Variants in PSMC5 observed in about 807,000 individuals in gnomAD.
PSMC5 encodes 26S proteasome regulatory subunit 8.
Under a neutral mutation model 49.1 loss-of-function variants are expected in PSMC5, and 11 were observed. That is an observed-to-expected ratio of 0.22 (90% CI 0.14 to 0.37). PSMC5 has a LOEUF of 0.37. Among genes scored for constraint, PSMC5 ranks in the 10% least tolerant of loss-of-function variants. The pLI is 1.00. For synonymous variants in PSMC5, 206 were observed against 192.2 expected (o/e 1.07, Z -0.59); for missense variants, 229 against 520.9 (o/e 0.44, Z 5.45).
In PSMC5 at chr17:63,827,479, T is replaced by C; in HGVS notation, c.-12T>C. On this transcript the variant is annotated 5_prime_UTR_variant, in exon 1 of 12. Transcript: ENST00000310144. Reference sequence around the variant, plus strand: ...CGGCTCGGATGCCGGCGGTCTCTGCTGAAGAGAGAAGATGGCGCTTGACGG... The same window carrying C: ...CGGCTCGGATGCCGGCGGTCTCTGCCGAAGAGAGAAGATGGCGCTTGACGG... 10 of 1,551,710 alleles carry C rather than the reference T, an allele frequency of 6.4e-6. No homozygotes were observed. The highest frequency in any genetic ancestry group is 3.6e-5 in the South Asian group (3 of 84,066).
Position 63,829,831 on chromosome 17 carries a change from CTG to C in PSMC5, c.167-17_167-16del. The C allele has an allele frequency of 6.2e-7, 1 of 1,612,084 alleles. No individual in the cohort carries two copies. The highest frequency in any genetic ancestry group is 1.1e-5 in the South Asian group (1 of 91,016). On this transcript the variant is annotated intron_variant, in intron 3 of 11. Transcript: ENST00000310144. ...CTCCAAAGGAGTAGCTAGGTGACCA[CTG>C]TGTCTGTTTGCCATCTAGTTCGCCT... is the stretch of plus-strand genomic sequence containing the variant.
Position 63,830,475 on chromosome 17 carries a change from G to A in PSMC5, c.526G>A (p.Glu176Lys), listed in dbSNP as rs1326856075. The A allele has an allele frequency of 6.2e-7, 1 of 1,614,018 alleles. No individual in the cohort carries two copies. Among genetic ancestry groups the A allele is most frequent in the Non-Finnish European group, 8.5e-7 (1 of 1,180,030 alleles). The change falls in exon 6 of 12, where the codon GAA (glutamate) becomes AAA (lysine). Residue 176 changes from glutamate to lysine, a missense_variant. Glu to Lys is a moderately conservative substitution (Grantham distance 56). This residue lies in a region of PSMC5 where 121 missense variants were observed against 330.6 expected (regional missense o/e 0.37). Coordinates refer to ENST00000310144, the MANE Select transcript of PSMC5 (RefSeq NM_002805.6). This position sits in a 1 kb window ranked among gnomAD's most constrained non-coding sequence, Gnocchi z 4.0. The part of the protein sequence containing the change: ...ELPVKHPELF[E>K]ALGIAQPKGV... ...GCCTGTTAAGCATCCTGAGCTCTTCGAAGCACTGGGCATTGCTCAGCCCAA... is the reference window on the plus strand; with the variant it reads ...GCCTGTTAAGCATCCTGAGCTCTTCAAAGCACTGGGCATTGCTCAGCCCAA...
rs376477122 is a variant in PSMC5 at position 63,829,428 on chromosome 17, G to A, written c.97-66G>A. Reference sequence around the variant, plus strand: ...GCTCATTCAGACCTGTGAGGTCTTGGCCAAGATCCTACCTCCTCCTGTCTC... The same window carrying A: ...GCTCATTCAGACCTGTGAGGTCTTGACCAAGATCCTACCTCCTCCTGTCTC... On this transcript the variant is annotated intron_variant, in intron 2 of 11. Transcript: ENST00000310144. 1.4e-5 allele frequency: 21 copies of A among 1,473,680 alleles called. No homozygotes were observed. In the African/African-American group the frequency reaches 2.7e-4, roughly 19 times the overall value. 91.3% of individuals were successfully genotyped at this position (1,473,680 alleles called of 1,614,324 possible).
Position 63,830,975 on chromosome 17 carries a change from T to C in PSMC5, c.679+40T>C, listed in dbSNP as rs374215597. ...CAATGTGAGAAGCAAGAGGTAGGGG[T>C]AGGGGGTTAGAGAGCTAATAAGCTA... On this transcript the variant is annotated intron_variant, in intron 7 of 11. Transcript: ENST00000310144. The surrounding 1 kb of genome is among the most constrained non-coding windows in gnomAD (Gnocchi z 4.0). The C allele has an allele frequency of 2.3e-5, 37 of 1,612,762 alleles. No homozygotes were observed. The highest frequency in any genetic ancestry group is 3.1e-5 in the Non-Finnish European group (36 of 1,179,432).
rs184918959 is a variant in PSMC5 at position 63,830,658 on chromosome 17, C to T, written c.553-151C>T. ...AGTGGCTGGGGAAGTGTTCCTAGGG[C>T]GGTGAGGTGGTTTGGATAGAAGGGA... is the stretch of plus-strand genomic sequence containing the variant. On this transcript the variant is annotated intron_variant, in intron 6 of 11. Coordinates refer to ENST00000310144, the MANE Select transcript of PSMC5 (RefSeq NM_002805.6). The surrounding 1 kb of genome is among the most constrained non-coding windows in gnomAD (Gnocchi z 4.0). The T allele has an allele frequency of 4.9e-5, 70 of 1,441,228 alleles. No homozygotes were observed. Among genetic ancestry groups the T allele is most frequent in the East Asian group, 4.7e-4 (19 of 40,212 alleles). 89.3% of individuals were successfully genotyped at this position (1,441,228 alleles called of 1,614,324 possible).
chr17:63,829,829 C>G (rs920237476), intron 3 of PSMC5, 23 bp from the exon 4 acceptor site: 1 of 1,610,948 alleles, frequency 6.2e-7, no homozygotes, highest in African/African-American at 1.3e-5. Context: ...GCTAGGTGAC[C>G]ACTGTGTCTG....
chr17:63,831,041 A>G lies in PSMC5; in HGVS notation c.685A>G (p.Arg229Gly), dbSNP rs1200029702. ...LVQKFIGEGARMVRELFVMAR... is the reference protein window; with the variant it reads ...LVQKFIGEGAGMVRELFVMAR... ...CCAGCTCGGCCTCCACACAGGGGCA[A>G]GAATGGTGAGGGAGCTGTTTGTCAT... is the stretch of plus-strand genomic sequence containing the variant. The change falls in exon 8 of 12, where the codon AGA becomes GGA. Residue 229 changes from arginine (R) to glycine (G), a missense_variant. By Grantham distance (125) the Arg-to-Gly change is moderately radical (BLOSUM62 -2). This residue lies in a region of PSMC5 where 121 missense variants were observed against 330.6 expected (regional missense o/e 0.37). Coordinates refer to ENST00000310144, the MANE Select transcript of PSMC5 (RefSeq NM_002805.6). The surrounding 1 kb of genome is among the most constrained non-coding windows in gnomAD (Gnocchi z 6.3). 1 of 1,576,584 alleles carries G rather than the reference A, an allele frequency of 6.3e-7. No homozygotes were observed. Among genetic ancestry groups the G allele is most frequent in the African/African-American group, 1.4e-5 (1 of 74,058 alleles).
At chr17:63,827,900 C>G in intron 1 of PSMC5, 1 of 1,410,508 alleles carries the variant, frequency 7.1e-7, no homozygotes, top group South Asian at 1.5e-5. Flanking sequence ...TATCGCCTCT[C>G]GGTCCTCCTA....
At position 63,830,947 on chromosome 17, in the gene PSMC5, T is replaced by C. The variant is rs762577147; in HGVS notation, c.679+12T>C. 4 of 1,613,932 alleles carry C rather than the reference T, an allele frequency of 2.5e-6. No homozygotes were observed. In the Middle Eastern group the frequency reaches 6.6e-4, roughly 266 times the overall value. The stretch of plus-strand genomic sequence containing the variant: ...ATTCATAGGGGAAGGTAACCATGGC[T>C]AGCAATGTGAGAAGCAAGAGGTAGG... On this transcript the variant is annotated intron_variant, in intron 7 of 11. Coordinates refer to ENST00000310144, the MANE Select transcript of PSMC5 (RefSeq NM_002805.6). This position sits in a 1 kb window ranked among gnomAD's most constrained non-coding sequence, Gnocchi z 4.0.
intron 3 of PSMC5, 47 bp from the exon 4 acceptor site, chr17:63,829,805 A>C (rs771401715): frequency 6.3e-7 from 1 of 1,586,488 alleles, no homozygotes; most frequent in Non-Finnish European, 8.7e-7. Context: ...GGTCCTGGAG[A>C]CTCCAAAGGA....
chr17:63,830,265 AC>A lies in PSMC5; in HGVS notation c.322-3del, dbSNP rs2040166854. On this transcript the variant is annotated splice_region_variant and splice_polypyrimidine_tract_variant and intron_variant, in intron 5 of 11. Transcript: ENST00000310144. This position sits in a 1 kb window ranked among gnomAD's most constrained non-coding sequence, Gnocchi z 4.0. The stretch of plus-strand genomic sequence containing the variant: ...ACCACTTCTGAAACTCGCCCCCTTC[AC>A]CCAGGTGACACCCAATTGCCGGGTG... 1 of 1,614,066 alleles carries A rather than the reference AC, an allele frequency of 6.2e-7. No individual in the cohort carries two copies. Among genetic ancestry groups the A allele is most frequent in the Non-Finnish European group, 8.5e-7 (1 of 1,180,014 alleles).
chr17:63,829,684 T>C, intron 3 of PSMC5, 121 bp downstream of exon 3: 1 of 1,215,846 alleles, frequency 8.2e-7, no homozygotes, highest in Non-Finnish European at 1.2e-6. Context: ...TCTAGTAGTT[T>C]CACATGCATC....
At chr17:63,828,311 C>G (rs1251304062) in intron 2 of PSMC5, 102 bp downstream of exon 2, 2 of 1,142,856 alleles carry the variant, frequency 1.7e-6, no homozygotes, top group East Asian at 4.9e-5. Context: ...GTGGAAGAAG[C>G]TGCTGCTTCT....
Position 63,830,056 on chromosome 17 carries a change from G to T in PSMC5, c.265-77G>T. On this transcript the variant is annotated intron_variant, in intron 4 of 11. Transcript: ENST00000310144. The surrounding 1 kb of genome is among the most constrained non-coding windows in gnomAD (Gnocchi z 4.0). Reference sequence around the variant, plus strand: ...TCTGTGTTCTGTCAAGGTATTGTGGGATTCTCATAGGTCTTCCTGGGTAGG... The same window carrying T: ...TCTGTGTTCTGTCAAGGTATTGTGGTATTCTCATAGGTCTTCCTGGGTAGG... 1 of 1,577,174 alleles carries T rather than the reference G, an allele frequency of 6.3e-7. No homozygotes were observed. Among genetic ancestry groups the T allele is most frequent in the Non-Finnish European group, 8.6e-7 (1 of 1,158,208 alleles).
chr17:63,830,487 A>G lies in PSMC5; in HGVS notation c.538A>G (p.Ile180Val). 1.2e-6 allele frequency: 2 copies of G among 1,614,024 alleles called. No homozygotes were observed. Among genetic ancestry groups the G allele is most frequent in the Non-Finnish European group, 1.7e-6 (2 of 1,180,032 alleles). ...TCCTGAGCTCTTCGAAGCACTGGGC[A>G]TTGCTCAGCCCAAGGTGAGGAGCAG... ...KHPELFEALGIAQPKGVLLYG... is the reference protein window; with the variant it reads ...KHPELFEALGVAQPKGVLLYG... The change falls in exon 6 of 12, where the codon ATT becomes GTT. Residue 180 changes from isoleucine to valine, a missense_variant. Ile to Val is a conservative substitution (Grantham distance 29). Coordinates refer to ENST00000310144, the MANE Select transcript of PSMC5 (RefSeq NM_002805.6). This position sits in a 1 kb window ranked among gnomAD's most constrained non-coding sequence, Gnocchi z 4.0.
At position 63,830,157 on chromosome 17, in the gene PSMC5, G is replaced by A. The variant is rs1282032143; in HGVS notation, c.289G>A (p.Val97Ile). ...GGTACATCCTGAAGGTAAATTTGTT[G>A]TAGACGTGGACAAAAACATTGACAT... is the stretch of plus-strand genomic sequence containing the variant. The part of the protein sequence containing the change: ...VKVHPEGKFV[V>I]DVDKNIDIND... The change falls in exon 5 of 12, where the codon GTA becomes ATA. Residue 97 changes from valine (V) to isoleucine (I), a missense_variant. By Grantham distance (29) the Val-to-Ile change is conservative. Coordinates refer to ENST00000310144, the MANE Select transcript of PSMC5 (RefSeq NM_002805.6). The surrounding 1 kb of genome is among the most constrained non-coding windows in gnomAD (Gnocchi z 4.0). The A allele has an allele frequency of 6.2e-7, 1 of 1,614,158 alleles. No individual in the cohort carries two copies. Among genetic ancestry groups the A allele is most frequent in the Non-Finnish European group, 8.5e-7 (1 of 1,180,014 alleles).
chr17:63,827,627 G>C lies in PSMC5; in HGVS notation c.24+113G>C, dbSNP rs2040125472. ...GCGTCGGGTGGGTCGGAGGTGCCTG[G>C]ACCAGTCCATGCTGGACGCTGCCTG... On this transcript the variant is annotated intron_variant, in intron 1 of 11. Coordinates refer to ENST00000310144, the MANE Select transcript of PSMC5 (RefSeq NM_002805.6). 3.2e-6 allele frequency: 5 copies of C among 1,545,118 alleles called. No homozygotes were observed. The Admixed American group carries it at 5.9e-5, about 18-fold the overall frequency.
At chr17:63,829,669 C>A in intron 3 of PSMC5, 106 bp downstream of exon 3, 1 of 1,278,688 alleles carries the variant, frequency 7.8e-7, no homozygotes, top group Non-Finnish European at 1.1e-6. Flanking sequence ...TTCTCCCTGT[C>A]ATCATCTAGT....
chr17:63,830,335 A>T lies in PSMC5; in HGVS notation c.386A>T (p.Asn129Ile). 1 of 1,614,220 alleles carries T rather than the reference A, an allele frequency of 6.2e-7. No individual in the cohort carries two copies. The highest frequency in any genetic ancestry group is 8.5e-7 in the Non-Finnish European group (1 of 1,180,046). Residue 129 changes from asparagine (N) to isoleucine (I), a missense_variant, in exon 6 of 12, where the codon AAC becomes ATC. Asn to Ile is a moderately radical substitution (Grantham distance 149, BLOSUM62 -3). This residue lies in a region of PSMC5 where 10 missense variants were observed against 22.3 expected (regional missense o/e 0.45). Coordinates refer to ENST00000310144, the MANE Select transcript of PSMC5 (RefSeq NM_002805.6). This position sits in a 1 kb window ranked among gnomAD's most constrained non-coding sequence, Gnocchi z 4.0. Reference sequence around the variant, plus strand: ...TACACTCTGCACAAGATCCTGCCCAACAAGGTAGACCCATTAGTGTCACTG... The same window carrying T: ...TACACTCTGCACAAGATCCTGCCCATCAAGGTAGACCCATTAGTGTCACTG... ...DSYTLHKILP[N>I]KVDPLVSLMM...
Sources: gnomAD v4.1 joint callset for allele counts on GRCh38, gnomAD v4.1.1 for gene constraint, gnomAD v4.1.1 regional missense constraint, Gnocchi (gnomAD v3.1) non-coding constraint, MANE v1.5 for transcripts, NCBI Gene and HGNC (gene_info 2026-07-23, HGNC 2026-07-21) for gene names.